Variants in ADAM19 observed in about 807,000 individuals in gnomAD.
ADAM19 encodes disintegrin and metalloproteinase domain-containing protein 19.
In ADAM19, 65 loss-of-function variants were observed where a neutral mutation model predicts 114.7. The ratio of observed to expected loss-of-function variants is 0.57; its 90% CI spans 0.46 to 0.70. The LOEUF (loss-of-function observed/expected upper bound fraction) is 0.70. ADAM19 is among the 30% of genes least tolerant of loss of function. The probability of loss-of-function intolerance (pLI) is 0.00; values close to 1 mark genes in which losing one functional copy is unlikely to be tolerated. For synonymous variants in ADAM19, 466 were observed against 460.5 expected, an observed-to-expected ratio of 1.01 and a Z score of -0.15; for missense variants, 1,063 against 1,204.7, an observed-to-expected ratio of 0.88 and a Z score of 1.74.
chr5:157,569,489 C>T (rs1026764800), intron 2 of ADAM19, among the ~76,000 whole-genome samples: 1 of 144,752 alleles, frequency 6.9e-6, no homozygotes, highest in Non-Finnish European at 1.5e-5. Context: ...AAATTCCTGG[C>T]CTCAAATGAT....
intron 22 of ADAM19, 79 bp from the exon 23 acceptor site, chr5:157,481,081 G>T: frequency 1.3e-6 from 2 of 1,579,364 alleles, no homozygotes; most frequent in South Asian, 1.1e-5. Flanking sequence ...CCATCCTCCC[G>T]ATTTTAGAAG....
At chr5:157,506,559 A>C (rs13190258) in intron 10 of ADAM19, among the ~76,000 whole-genome samples, 13,506 of 152,268 alleles carry the variant, frequency 0.089, 801 homozygotes, top group Middle Eastern at 0.17. Flanking sequence ...GGGACAGACA[A>C]ATAGATGAAG....
chr5:157,566,696 C>G (rs758809849), intron 2 of ADAM19: 2 of 152,072 alleles, frequency 1.3e-5, no homozygotes, highest in Non-Finnish European at 2.9e-5. Context: ...GAACTGACAA[C>G]TTTTTTTGAG....
intron 3 of ADAM19, 139 bp downstream of exon 3, chr5:157,564,234 G>A (rs1180275690): frequency 4.1e-6 from 3 of 732,794 alleles, no homozygotes; most frequent in Admixed American, 2.2e-5. Flanking sequence ...GGCTTTGCAA[G>A]ATGCTGCCTG....
At chr5:157,481,561 G>A (rs1581280464) in intron 22 of ADAM19, 4 of 1,487,004 alleles carry the variant, frequency 2.7e-6, no homozygotes, top group Non-Finnish European at 1.8e-6. Context: ...TGCAGGGGCA[G>A]GACTGAAGCC....
chr5:157,564,266 C>T (rs1757590109), intron 3 of ADAM19, 107 bp downstream of exon 3: 4 of 1,009,768 alleles, frequency 4.0e-6, no homozygotes, highest in African/African-American at 3.1e-5. Flanking sequence ...GGACTGAGAG[C>T]TTGGGGTCAC....
chr5:157,534,067 T>C (rs1287107109), intron 4 of ADAM19, among the ~76,000 whole-genome samples: 2 of 152,192 alleles, frequency 1.3e-5, no homozygotes, highest in East Asian at 1.9e-4. Context: ...TTCACAGCCC[T>C]AGTTCTCTCG....
chr5:157,480,857 G>T lies in ADAM19; in HGVS notation c.*92C>A. 1 of 1,592,800 alleles carries T rather than the reference G, an allele frequency of 6.3e-7. No individual in the cohort carries two copies. Among genetic ancestry groups the T allele is most frequent in the Non-Finnish European group, 8.5e-7 (1 of 1,170,560 alleles). ...GGAGGAGGGTGGGAGGAGCTCAGAG[G>T]CGGCCAGACATGCTTCTTCAGGGTT... On this transcript the variant is annotated 3_prime_UTR_variant, in exon 23 of 23. Transcript: ENST00000257527.
chr5:157,513,334 G>A (rs996595948), intron 8 of ADAM19, 100 bp downstream of exon 8: 35 of 1,203,848 alleles, frequency 2.9e-5, no homozygotes, highest in Non-Finnish European at 3.8e-5. Context: ...TTCCCTTTCA[G>A]AAGATGGCTG....
At chr5:157,523,745 C>T (rs1756374733) in intron 5 of ADAM19, among the ~76,000 whole-genome samples, 1 of 152,130 alleles carries the variant, frequency 6.6e-6, no homozygotes, top group Non-Finnish European at 1.5e-5. Context: ...TATAGCAACA[C>T]AAATGGACTA....
intron 4 of ADAM19, among the ~76,000 whole-genome samples, chr5:157,537,091 T>C (rs1279386171): frequency 1.3e-5 from 2 of 152,232 alleles, no homozygotes; most frequent in Middle Eastern, 3.2e-3. Context: ...TTATAGAATG[T>C]AGATGCCAGT....
In ADAM19 at chr5:157,496,977, G is replaced by A; in HGVS notation, c.1511C>T (p.Thr504Ile). The A allele has an allele frequency of 1.3e-6, 2 of 1,598,168 alleles. No homozygotes were observed. The highest frequency in any genetic ancestry group is 2.3e-5 in the South Asian group (2 of 88,626). Residue 504 changes from threonine to isoleucine, a missense_variant, in exon 14 of 23, where the codon ACC (threonine) becomes ATC (isoleucine). Thr to Ile is a moderately conservative substitution (Grantham distance 89, BLOSUM62 -1). This residue lies in a region of ADAM19 where 615 missense variants were observed against 706.3 expected (regional missense o/e 0.87). Coordinates refer to ENST00000257527, the MANE Select transcript of ADAM19 (RefSeq NM_033274.5). ...GTAGGCCTGGCCGCCCTCACAGGGGGTACCATCCATCTGGTAGAAGTTGGT... is the reference window on the plus strand; with the variant it reads ...GTAGGCCTGGCCGCCCTCACAGGGGATACCATCCATCTGGTAGAAGTTGGT... ...CPTNFYQMDG[T>I]PCEGGQAYCY...
At chr5:157,537,798 G>T in intron 4 of ADAM19, 115 bp downstream of exon 4, 3 of 896,128 alleles carry the variant, frequency 3.3e-6, no homozygotes, top group Non-Finnish European at 5.2e-6. Context: ...GTCTTCGCTT[G>T]GGGGAAACAC....
intron 4 of ADAM19, among the ~76,000 whole-genome samples, chr5:157,531,567 C>T (rs563713294): frequency 1.3e-4 from 19 of 151,632 alleles, no homozygotes; most frequent in African/African-American, 4.1e-4. Context: ...CTCGGGAGGC[C>T]GAGGCAGGAG....
At chr5:157,499,970 G>C (rs1453677232) in intron 12 of ADAM19, among the ~76,000 whole-genome samples, 1 of 150,594 alleles carries the variant, frequency 6.6e-6, no homozygotes, top group Non-Finnish European at 1.5e-5. Context: ...ATAGCGATTG[G>C]GTTTCGTCAT....
At chr5:157,493,228 G>C in intron 15 of ADAM19, 51 bp from the exon 16 acceptor site, 1 of 1,588,784 alleles carries the variant, frequency 6.3e-7, no homozygotes, top group African/African-American at 1.3e-5. Flanking sequence ...GGCAGAGGAA[G>C]AGCTGGGGCA....
intron 3 of ADAM19, among the ~76,000 whole-genome samples, chr5:157,538,212 G>A (rs537530007): frequency 4.5e-4 from 68 of 152,054 alleles, no homozygotes; most frequent in African/African-American, 1.5e-3. Context: ...ATCACTATGG[G>A]AACATCACTC....
intron 10 of ADAM19, 76 bp downstream of exon 10, chr5:157,506,980 T>C: frequency 8.1e-7 from 1 of 1,231,190 alleles, no homozygotes; most frequent in Non-Finnish European, 1.2e-6. Flanking sequence ...ATCAACTTAT[T>C]ATTCAAAAGA....
chr5:157,495,933 CTTTTTTTTTTTTTTTT>C (rs57078206), intron 14 of ADAM19, among the ~76,000 whole-genome samples: 2 of 75,878 alleles, frequency 2.6e-5, no homozygotes, highest in Non-Finnish European at 4.8e-5. Flanking sequence ...TGTGCCCAGT[CTTTTTTTTTTTTTTTT>C]TTTTTTTTTT....
Sources: gnomAD v4.1 joint callset for allele counts (sites outside exome capture counted in the v4.1 genomes callset) on GRCh38, gnomAD v4.1.1 for gene constraint, gnomAD v4.1.1 regional missense constraint, MANE v1.5 for transcripts, NCBI Gene and HGNC (gene_info 2026-07-23, HGNC 2026-07-21) for gene names.